Variants in SLC8A3 observed in about 807,000 individuals in gnomAD.
The protein encoded by SLC8A3 is solute carrier family 8 member A3.
SLC8A3 carries 37 observed loss-of-function variants against 65.4 expected under a neutral mutation model. The ratio of observed to expected loss-of-function variants is 0.57; its 90% CI spans 0.44 to 0.74. SLC8A3 has a LOEUF of 0.74. SLC8A3 is among the 30% of genes least tolerant of loss of function. SLC8A3 has a pLI of 0.00. For missense variants in SLC8A3, 1,112 were observed against 1,172.1 expected, an observed-to-expected ratio of 0.95 and a Z score of 0.75; for synonymous variants, 461 against 444.5, an observed-to-expected ratio of 1.04 and a Z score of -0.47.
chr14:70,126,729 A>G (rs1347546086), intron 2 of SLC8A3, among the ~76,000 whole-genome samples: 2 of 152,004 alleles, frequency 1.3e-5, no homozygotes, highest in African/African-American at 4.8e-5. Context: ...ATATCATCCC[A>G]AACCTACCAC....
intron 2 of SLC8A3, among the ~76,000 whole-genome samples, chr14:70,165,800 G>A (rs945953915): frequency 6.6e-6 from 1 of 152,258 alleles, no homozygotes; most frequent in Non-Finnish European, 1.5e-5. Flanking sequence ...AGTAGCCCAA[G>A]AAGAGGTACT....
rs1897022751 is a variant in SLC8A3, at chr14:70,163,849, T to A, written c.1784+2790A>T. ...GATCCTAATCTGCCCTTCAGTGAGA[T>A]CCCTGGATGATTGAGCAACACATTA... On this transcript the variant is annotated intron_variant, in intron 2 of 6. Coordinates refer to ENST00000356921, the MANE Select transcript of SLC8A3 (RefSeq NM_182932.3). Among the ~76,000 whole-genome samples the A allele has an allele frequency of 2.0e-5, 3 of 152,158 alleles. No individual in the cohort carries two copies. The South Asian group carries it at 6.3e-4, about 32-fold the overall frequency.
chr14:70,157,364 T>C (rs1015281779), intron 2 of SLC8A3, among the ~76,000 whole-genome samples: 1 of 152,122 alleles, frequency 6.6e-6, no homozygotes, highest in Admixed American at 6.5e-5. Context: ...CATTCAGTTA[T>C]GACAGACCAG....
intron 2 of SLC8A3, among the ~76,000 whole-genome samples, chr14:70,083,991 T>C (rs1455367470): frequency 6.6e-6 from 1 of 152,152 alleles, no homozygotes; most frequent in Non-Finnish European, 1.5e-5. Flanking sequence ...GACCTATGTT[T>C]GAGTCATGAC....
Position 70,048,843 on chromosome 14 carries a change from C to T in SLC8A3, c.2313G>A (p.Ser771=), listed in dbSNP as rs769878012. ...MLTAIIGDLA[S]HFGCTIGLKD... is the part of the protein sequence containing the mutation. The stretch of plus-strand genomic sequence containing the variant: ...TGAGACCAATGGTGCAGCCGAAGTG[C>T]GAGGCCAGGTCCCCAATGATGGCGG... The change falls in exon 6 of 7, where the codon TCG becomes TCA. Residue 771 remains serine, a synonymous_variant. Transcript: ENST00000356921. 1.1e-5 allele frequency: 18 copies of T among 1,613,942 alleles called. No homozygotes were observed. Among genetic ancestry groups the T allele is most frequent in the Admixed American group, 3.3e-5 (2 of 59,982 alleles).
intron 2 of SLC8A3, among the ~76,000 whole-genome samples, chr14:70,119,639 A>G (rs1333138468): frequency 2.0e-5 from 3 of 152,216 alleles, no homozygotes; most frequent in Non-Finnish European, 4.4e-5. Flanking sequence ...GAATGCAGCA[A>G]TCATGAGCCT....
intron 1 of SLC8A3, among the ~76,000 whole-genome samples, chr14:70,173,447 T>C (rs2140402559): frequency 6.6e-6 from 1 of 152,314 alleles, no homozygotes; most frequent in South Asian, 2.1e-4. Context: ...GTCTGTGTCC[T>C]TAGCAGTGGC....
chr14:70,155,956 C>T (rs1012915039), intron 2 of SLC8A3, among the ~76,000 whole-genome samples: 1 of 152,218 alleles, frequency 6.6e-6, no homozygotes, highest in Non-Finnish European at 1.5e-5. Context: ...TTTCTCTCTG[C>T]TTTGGCTATA....
intron 2 of SLC8A3, among the ~76,000 whole-genome samples, chr14:70,081,941 A>C (rs1202120143): frequency 1.3e-5 from 2 of 152,166 alleles, no homozygotes; most frequent in Admixed American, 6.5e-5. Flanking sequence ...GGACCTTAGG[A>C]TGCTCCCCTC....
intron 2 of SLC8A3, among the ~76,000 whole-genome samples, chr14:70,090,619 G>C (rs1891738458): frequency 6.6e-6 from 1 of 152,104 alleles, no homozygotes. Flanking sequence ...CAGTCTTTTG[G>C]AAAAACTTGT....
At chr14:70,121,167 C>A (rs1455970067) in intron 2 of SLC8A3, among the ~76,000 whole-genome samples, 1 of 152,068 alleles carries the variant, frequency 6.6e-6, no homozygotes, top group East Asian at 1.9e-4. Flanking sequence ...GTCTCATAAC[C>A]CCTCATTTTA....
At chr14:70,083,181 C>T (rs541893370) in intron 2 of SLC8A3, among the ~76,000 whole-genome samples, 4 of 152,196 alleles carry the variant, frequency 2.6e-5, no homozygotes, top group Non-Finnish European at 4.4e-5. Context: ...TGACCACATA[C>T]GTAGAGTGAT....
chr14:70,068,929 G>T (rs1325922292), intron 2 of SLC8A3, among the ~76,000 whole-genome samples: 3 of 152,086 alleles, frequency 2.0e-5, no homozygotes, highest in African/African-American at 7.2e-5. Context: ...GTGTCACCAT[G>T]CTGGTCTCAA....
intron 1 of SLC8A3, among the ~76,000 whole-genome samples, chr14:70,175,457 G>T (rs1897843067): frequency 1.3e-5 from 2 of 152,198 alleles, no homozygotes; most frequent in African/African-American, 2.4e-5. Flanking sequence ...TCCAGGAGAT[G>T]AAAGGGATGG....
At chr14:70,075,449 A>T (rs1346527857) in intron 2 of SLC8A3, among the ~76,000 whole-genome samples, 2 of 152,096 alleles carry the variant, frequency 1.3e-5, no homozygotes, top group Non-Finnish European at 1.5e-5. Flanking sequence ...TTCTTTGAGG[A>T]CATTGCCTTT....
At chr14:70,069,578 G>A (rs1466895682) in intron 2 of SLC8A3, among the ~76,000 whole-genome samples, 2 of 151,968 alleles carry the variant, frequency 1.3e-5, no homozygotes, top group Non-Finnish European at 2.9e-5. Flanking sequence ...TCTTCTTGTA[G>A]TTTCCTTTAT....
intron 2 of SLC8A3, among the ~76,000 whole-genome samples, chr14:70,116,840 G>T (rs1028926723): frequency 6.6e-6 from 1 of 152,164 alleles, no homozygotes; most frequent in Admixed American, 6.5e-5. Context: ...TCTCCGCATG[G>T]AATTTTTAGC....
At chr14:70,048,696 G>T in intron 6 of SLC8A3, 71 bp downstream of exon 6, 2 of 1,315,328 alleles carry the variant, frequency 1.5e-6, no homozygotes, top group Middle Eastern at 3.6e-4. Context: ...GGAAGATAAT[G>T]AGATGGAGTC....
At position 70,154,920 on chromosome 14, in the gene SLC8A3, C is replaced by CTT. The variant is rs60863511; in HGVS notation, c.1784+11717_1784+11718dup. Among the ~76,000 whole-genome samples the CTT allele has an allele frequency of 2.2e-3, 289 of 128,900 alleles. 6 individuals are homozygous for CTT. Among genetic ancestry groups the CTT allele is most frequent in the East Asian group, 0.021 (93 of 4,484 alleles). The allele number at this position is 128,900 out of a possible 152,430, so 84.6% of individuals were successfully genotyped here. A position where few individuals can be genotyped will look rare whatever the true frequency, so the allele number is the denominator to read the frequency against. On this transcript the variant is annotated intron_variant, in intron 2 of 6. Coordinates refer to ENST00000356921, the MANE Select transcript of SLC8A3 (RefSeq NM_182932.3). ...TCTATCACCTTAAATATTTATCATT[C>CTT]TTTTTTTTTTTTTTTTTGAGACAGA...
Sources: allele counts gnomAD v4.1 joint callset (sites outside exome capture counted in the v4.1 genomes callset), GRCh38; gene constraint gnomAD v4.1.1; transcripts MANE v1.5; gene names NCBI Gene and HGNC (gene_info 2026-07-23, HGNC 2026-07-21).